Variants in SPEF2 observed in about 807,000 individuals in gnomAD.
The protein encoded by SPEF2 is sperm flagellar and cilia associated 2.
A neutral mutation model predicts 224.6 loss-of-function variants in SPEF2; 187 were observed. The observed-to-expected ratio is 0.83, with a 90% CI of 0.74 to 0.94. The LOEUF (loss-of-function observed/expected upper bound fraction) is 0.94. Among genes scored for constraint, SPEF2 ranks in the 40% least tolerant of loss-of-function variants. SPEF2 has a pLI of 0.00. For synonymous variants in SPEF2, 715 were observed against 707.3 expected, an observed-to-expected ratio of 1.01 and a Z score of -0.17; for missense variants, 2,170 against 2,135.6, an observed-to-expected ratio of 1.02 and a Z score of -0.32.
At chr5:35,773,766 T>C in intron 27 of SPEF2, 127 bp from the exon 28 acceptor site, 1 of 1,103,178 alleles carries the variant, frequency 9.1e-7, no homozygotes, top group Non-Finnish European at 1.2e-6. Context: ...GACCAAGGTT[T>C]CATTGTTTCC....
intron 21 of SPEF2, among the ~76,000 whole-genome samples, chr5:35,734,452 C>T (rs1746191566): frequency 7.8e-6 from 1 of 128,830 alleles, no homozygotes; most frequent in African/African-American, 2.9e-5. Context: ...AGCTAAGGAG[C>T]TGAAAAAAAG....
intron 21 of SPEF2, among the ~76,000 whole-genome samples, chr5:35,729,961 T>A (rs943651171): frequency 3.3e-5 from 5 of 152,174 alleles, no homozygotes; most frequent in Non-Finnish European, 4.4e-5. Flanking sequence ...TAAACCTTTT[T>A]CTTCCCAGTC....
At chr5:35,720,924 C>G (rs578133370) in intron 20 of SPEF2, among the ~76,000 whole-genome samples, 14 of 150,606 alleles carry the variant, frequency 9.3e-5, no homozygotes, top group Non-Finnish European at 7.4e-5. Context: ...GTTTAAAGCA[C>G]TTGATATTAT....
intron 36 of SPEF2, among the ~76,000 whole-genome samples, chr5:35,808,730 G>GTA (rs1043977704): frequency 9.2e-5 from 13 of 141,650 alleles, no homozygotes; most frequent in South Asian, 6.8e-4. Context: ...ATATTTATAT[G>GTA]TATATATATA....
At chr5:35,668,872 T>C (rs186314502) in intron 9 of SPEF2, among the ~76,000 whole-genome samples, 1 of 152,146 alleles carries the variant, frequency 6.6e-6, no homozygotes, top group East Asian at 1.9e-4. Context: ...TCATAGTAAG[T>C]CATATTGAAA....
intron 16 of SPEF2, chr5:35,702,020 G>C (rs963824128): frequency 1.4e-5 from 5 of 369,108 alleles, no homozygotes; most frequent in African/African-American, 1.1e-4. Flanking sequence ...CCAGAATTTA[G>C]TGGGGAGAGC....
chr5:35,722,469 T>C (rs950219889), intron 20 of SPEF2, among the ~76,000 whole-genome samples: 3 of 151,668 alleles, frequency 2.0e-5, no homozygotes, highest in African/African-American at 4.9e-5. Flanking sequence ...TTTTTTGTTT[T>C]TTTTTTCAAG....
At chr5:35,720,574 T>C (rs7703866) in intron 20 of SPEF2, among the ~76,000 whole-genome samples, 5,963 of 152,286 alleles carry the variant, frequency 0.039, 193 homozygotes, top group African/African-American at 0.075. Flanking sequence ...TCCAGGGTAG[T>C]TACAGTTAGA....
chr5:35,619,558 T>C (rs1221712465), intron 1 of SPEF2, among the ~76,000 whole-genome samples: 2 of 151,964 alleles, frequency 1.3e-5, no homozygotes, highest in East Asian at 3.9e-4. Flanking sequence ...GTGCCTGTAG[T>C]CCCAGCTACT....
intron 5 of SPEF2, among the ~76,000 whole-genome samples, chr5:35,647,057 C>A (rs2149416510): frequency 6.6e-6 from 1 of 150,396 alleles, no homozygotes; most frequent in South Asian, 2.1e-4. Context: ...AGTCTGGACT[C>A]CTGTGTTGAA....
intron 5 of SPEF2, among the ~76,000 whole-genome samples, chr5:35,648,822 T>C (rs1488170539): frequency 6.6e-6 from 1 of 152,036 alleles, no homozygotes; most frequent in Non-Finnish European, 1.5e-5. Flanking sequence ...GAGGCCACCC[T>C]TGTCAACCTG....
intron 26 of SPEF2, 66 bp from the exon 27 acceptor site, chr5:35,771,543 A>G (rs1163905810): frequency 1.3e-6 from 2 of 1,552,376 alleles, no homozygotes; most frequent in Admixed American, 2.1e-5. Flanking sequence ...AGTAATGACT[A>G]CATCCAAATG....
intron 5 of SPEF2, 50 bp from the exon 6 acceptor site, chr5:35,649,311 T>A (rs1747858043): frequency 6.8e-7 from 1 of 1,469,204 alleles, no homozygotes; most frequent in African/African-American, 1.4e-5. Context: ...AAATGAAGAT[T>A]TTTCAATGGT....
intron 2 of SPEF2, among the ~76,000 whole-genome samples, chr5:35,629,695 C>T (rs1049441832): frequency 6.6e-6 from 1 of 152,136 alleles, no homozygotes; most frequent in African/African-American, 2.4e-5. Flanking sequence ...TCACAACCAT[C>T]GCCACCATCT....
intron 33 of SPEF2, among the ~76,000 whole-genome samples, chr5:35,798,207 G>A (rs762517690): frequency 3.9e-4 from 59 of 151,982 alleles, no homozygotes; most frequent in Non-Finnish European, 7.1e-4. Flanking sequence ...AGCATCCCCC[G>A]CTCAAAACTT....
At chr5:35,679,741 T>G (rs897711960) in intron 10 of SPEF2, among the ~76,000 whole-genome samples, 14 of 152,344 alleles carry the variant, frequency 9.2e-5, no homozygotes, top group Admixed American at 5.9e-4. Context: ...TTTTAGGACC[T>G]GCCATCTCCT....
intron 1 of SPEF2, among the ~76,000 whole-genome samples, chr5:35,627,586 T>C (rs1355492352): frequency 6.6e-6 from 1 of 152,192 alleles, no homozygotes; most frequent in Non-Finnish European, 1.5e-5. Context: ...GGCCACAGCC[T>C]AGGCGACACA....
chr5:35,752,751 G>A (rs1423165439), intron 23 of SPEF2, among the ~76,000 whole-genome samples: 1 of 8,596 alleles, frequency 1.2e-4, no homozygotes, highest in Non-Finnish European at 2.5e-4. Flanking sequence ...ACCTTAGAAA[G>A]TAACTTCTCT....
At chr5:35,765,422 A>C (rs1751960027) in intron 26 of SPEF2, among the ~76,000 whole-genome samples, 1 of 152,142 alleles carries the variant, frequency 6.6e-6, no homozygotes, top group African/African-American at 2.4e-5. Context: ...CCTGGTACCC[A>C]TGTGCATAGA....
Sources: allele counts gnomAD v4.1 joint callset (sites outside exome capture counted in the v4.1 genomes callset), GRCh38; gene constraint gnomAD v4.1.1; transcripts MANE v1.5; gene names NCBI Gene and HGNC (gene_info 2026-07-23, HGNC 2026-07-21).